TEX11: variants seen among roughly 807,000 people sequenced by gnomAD.
TEX11 encodes the protein testis-expressed protein 11.
In TEX11, 7 loss-of-function variants were observed where a neutral mutation model predicts 84.4. The observed-to-expected ratio is 0.08, with a 90% CI of 0.05 to 0.16. The LOEUF is 0.16. TEX11 is among the 10% of genes least tolerant of loss of function. TEX11 has a pLI of 1.00. For synonymous variants in TEX11, 264 were observed against 222.8 expected (o/e 1.18, Z -1.64); for missense variants, 551 against 660.5 (o/e 0.83, Z 1.82).
rs2090569712 is a variant in TEX11 at position 70,722,707 on chromosome X, G to GA, written c.926-12dup. ...GTATTTCCATGACAGCTAACAAGAT[G>GA]AAAAAATGAAATAATTATCAGTTTA... On this transcript the variant is annotated splice_polypyrimidine_tract_variant and intron_variant, in intron 12 of 29. Coordinates refer to ENST00000374333, the MANE Select transcript of TEX11 (RefSeq NM_031276.3). 2.6e-6 allele frequency: 3 copies of GA among 1,138,151 alleles called. No homozygotes were observed. Among genetic ancestry groups the GA allele is most frequent in the African/African-American group, 1.8e-5 (1 of 55,612 alleles). 93.8% of individuals were successfully genotyped at this position (1,138,151 alleles called of 1,213,427 possible).
chrX:70,895,921 A>G (rs1569462752), intron 2 of TEX11, among the ~76,000 whole-genome samples: 1 of 112,578 alleles, frequency 8.9e-6, no homozygotes, highest in Non-Finnish European at 1.9e-5. Context: ...TAAAAGCCCT[A>G]GAAGAAAACC....
intron 25 of TEX11, among the ~76,000 whole-genome samples, chrX:70,567,090 T>C (rs1416290108): frequency 2.7e-5 from 3 of 111,481 alleles, no homozygotes; most frequent in African/African-American, 9.8e-5. Context: ...GAGCCTGTTA[T>C]TGGTCTATTC....
chrX:70,787,484 C>T (rs929326445), intron 9 of TEX11, among the ~76,000 whole-genome samples: 5 of 110,823 alleles, frequency 4.5e-5, no homozygotes, highest in Non-Finnish European at 9.4e-5. Context: ...GCACATGCTG[C>T]CACACCCAGC....
At chrX:70,785,314 C>A (rs1192755449) in intron 9 of TEX11, among the ~76,000 whole-genome samples, 1 of 111,794 alleles carries the variant, frequency 8.9e-6, no homozygotes, top group Non-Finnish European at 1.9e-5. Flanking sequence ...ACAGCTTATA[C>A]AAAAATTAAT....
intron 11 of TEX11, among the ~76,000 whole-genome samples, chrX:70,738,611 A>C (rs752964401): frequency 5.3e-5 from 6 of 112,191 alleles, no homozygotes; most frequent in African/African-American, 1.6e-4. Flanking sequence ...ATATACCCGA[A>C]GGATTATAAG....
At chrX:70,736,408 A>G (rs950130565) in intron 11 of TEX11, among the ~76,000 whole-genome samples, 5 of 111,191 alleles carry the variant, frequency 4.5e-5, no homozygotes, top group African/African-American at 1.6e-4. Context: ...TTAAAAGTAA[A>G]CAAAAACAAA....
intron 20 of TEX11, among the ~76,000 whole-genome samples, chrX:70,611,568 T>C (rs1000675732): frequency 8.9e-6 from 1 of 112,053 alleles, no homozygotes; most frequent in Non-Finnish European, 1.9e-5. Context: ...AATCTCTTTA[T>C]GCATCTTGCA....
intron 22 of TEX11, among the ~76,000 whole-genome samples, chrX:70,607,417 C>T (rs1328690817): frequency 1.8e-5 from 2 of 109,948 alleles, no homozygotes; most frequent in Non-Finnish European, 3.8e-5. Context: ...AGAGAGACTC[C>T]GTCTATACAA....
intron 13 of TEX11, among the ~76,000 whole-genome samples, chrX:70,715,310 T>G (rs1398602569): frequency 9.0e-6 from 1 of 111,295 alleles, no homozygotes; most frequent in Non-Finnish European, 1.9e-5. Context: ...TGTGGCGTTC[T>G]CTGTATTTCC....
the TEX11 span, among the ~76,000 whole-genome samples, chrX:70,517,340 G>C: frequency 8.9e-6 from 1 of 111,991 alleles, no homozygotes; most frequent in Non-Finnish European, 1.9e-5. Flanking sequence ...AAGGGCTGTT[G>C]AATTTTGTCA....
At position 70,677,854 on chromosome X, in the gene TEX11, G is replaced by T. The variant is rs771047110; in HGVS notation, c.1242+950C>A. Among the ~76,000 whole-genome samples the T allele has an allele frequency of 2.8e-3, 232 of 81,521 alleles. 3 individuals carry two copies. Among genetic ancestry groups the T allele is most frequent in the African/African-American group, 0.011 (216 of 19,845 alleles). 70.8% of individuals were successfully genotyped at this position (81,521 alleles called of 115,157 possible). Reference sequence around the variant, plus strand: ...TTTTGAGATGGAGTCTTGCTCTGTCGCCAGGCTGGAGTGCAGTGGCGCGAT... The same window carrying T: ...TTTTGAGATGGAGTCTTGCTCTGTCTCCAGGCTGGAGTGCAGTGGCGCGAT... On this transcript the variant is annotated intron_variant, in intron 15 of 29. Transcript: ENST00000374333.
intron 16 of TEX11, among the ~76,000 whole-genome samples, chrX:70,666,787 T>G (rs896772099): frequency 1.8e-5 from 2 of 112,010 alleles, no homozygotes; most frequent in African/African-American, 3.2e-5. Context: ...TGCCATTCTT[T>G]AAATACCCTA....
At chrX:70,818,689 T>C (rs976995778) in intron 8 of TEX11, among the ~76,000 whole-genome samples, 2 of 110,499 alleles carry the variant, frequency 1.8e-5, no homozygotes, top group African/African-American at 6.6e-5. Context: ...CACCACGCAC[T>C]CCCTAGCCCT....
chrX:70,527,841 AAAAT>A (rs2087837846), downstream of TEX11, among the ~76,000 whole-genome samples: 1 of 112,282 alleles, frequency 8.9e-6, no homozygotes, highest in Non-Finnish European at 1.9e-5. Context: ...AATGTGGTAA[AAAAT>A]AAATAGAGAA....
intron 15 of TEX11, among the ~76,000 whole-genome samples, chrX:70,676,924 G>C (rs1318122010): frequency 9.0e-6 from 1 of 111,112 alleles, no homozygotes; most frequent in South Asian, 3.8e-4. Flanking sequence ...GTTTGATTTG[G>C]GTCTTTACGT....
At chrX:70,589,326 TATAG>T (rs2088895750) in intron 25 of TEX11, among the ~76,000 whole-genome samples, 2 of 109,533 alleles carry the variant, frequency 1.8e-5, no homozygotes, top group African/African-American at 6.6e-5. Context: ...ATATAAACTA[TATAG>T]ATACATATAT....
intron 9 of TEX11, among the ~76,000 whole-genome samples, chrX:70,775,335 T>C (rs2090994738): frequency 9.0e-6 from 1 of 110,591 alleles, no homozygotes; most frequent in African/African-American, 3.3e-5. Context: ...AATAGACAAA[T>C]GGTACCATAT....
intron 9 of TEX11, among the ~76,000 whole-genome samples, chrX:70,771,918 C>T (rs1366794510): frequency 9.0e-6 from 1 of 111,730 alleles, no homozygotes; most frequent in African/African-American, 3.3e-5. Context: ...GACCCACCCC[C>T]ATAGCCCCAG....
intron 25 of TEX11, among the ~76,000 whole-genome samples, chrX:70,571,149 G>A (rs2088591465): frequency 9.0e-6 from 1 of 110,929 alleles, no homozygotes; most frequent in South Asian, 3.8e-4. Context: ...CTCCCCAGTA[G>A]CTGTGATTAC....
Sources: gnomAD v4.1 joint callset for allele counts (sites outside exome capture counted in the v4.1 genomes callset) on GRCh38, gnomAD v4.1.1 for gene constraint, MANE v1.5 for transcripts, NCBI Gene and HGNC (gene_info 2026-07-23, HGNC 2026-07-21) for gene names.